The following VDR variants were observed in gnomAD, a reference collection of about 807,000 sequenced individuals.
VDR encodes vitamin D3 receptor.
A neutral mutation model predicts 39.7 loss-of-function variants in VDR; 19 were observed. The observed-to-expected ratio is 0.48, with a 90% confidence interval of 0.33 to 0.70. The LOEUF is 0.70. Among genes scored for constraint, VDR ranks in the 30% least tolerant of loss-of-function variants. The pLI is 0.02. For synonymous variants in VDR, 242 were observed against 215.8 expected (o/e 1.12, Z -1.07); for missense variants, 442 against 570.5 (o/e 0.77, Z 2.29).
chr12:47,903,587 T>C (rs1946609215), intron 1 of VDR, among the ~76,000 whole-genome samples: 1 of 152,224 alleles, frequency 6.6e-6, no homozygotes. Context: ...AATGTTCAGA[T>C]AACCCATTTC....
chr12:47,857,438 C>T, intron 5 of VDR, 66 bp downstream of exon 5: 3 of 1,611,892 alleles, frequency 1.9e-6, no homozygotes, highest in Non-Finnish European at 2.5e-6. Context: ...GTCCCTACTC[C>T]CTGGGCCCTG....
chr12:47,861,572 G>A (rs1453394329), intron 4 of VDR, among the ~76,000 whole-genome samples: 1 of 152,220 alleles, frequency 6.6e-6, no homozygotes, highest in Non-Finnish European at 1.5e-5. Flanking sequence ...AACCTAAGAT[G>A]TCATTACTAT....
chr12:47,900,063 T>G (rs1946532496), intron 1 of VDR: 1 of 541,214 alleles, frequency 1.8e-6, no homozygotes, highest in East Asian at 1.4e-4. Context: ...AAGATGCCTG[T>G]TTGAAAGATT....
At chr12:47,903,463 T>A (rs933881168) in intron 1 of VDR, among the ~76,000 whole-genome samples, 3 of 152,244 alleles carry the variant, frequency 2.0e-5, no homozygotes, top group African/African-American at 7.2e-5. Flanking sequence ...TCTGGCTGCA[T>A]GCCAGCCCTG....
intron 3 of VDR, among the ~76,000 whole-genome samples, chr12:47,865,669 T>C (rs1249887284): frequency 6.6e-6 from 1 of 150,478 alleles, no homozygotes; most frequent in African/African-American, 2.4e-5. Flanking sequence ...ATCCTAGGCC[T>C]CCCACAGTGC....
intron 4 of VDR, among the ~76,000 whole-genome samples, chr12:47,861,866 A>G (rs916472866): frequency 1.3e-5 from 2 of 152,262 alleles, no homozygotes; most frequent in African/African-American, 4.8e-5. Flanking sequence ...AAACATTTCA[A>G]GATGCCAAGG....
intron 7 of VDR, among the ~76,000 whole-genome samples, chr12:47,847,326 C>T (rs1945299642): frequency 1.3e-5 from 2 of 151,722 alleles, no homozygotes; most frequent in African/African-American, 4.9e-5. Flanking sequence ...TTTCCAATAG[C>T]CTCTTACAGG....
intron 2 of VDR, 33 bp from the exon 3 acceptor site, chr12:47,879,148 C>T (rs1211878865): frequency 1.2e-6 from 2 of 1,607,054 alleles, no homozygotes; most frequent in Non-Finnish European, 8.5e-7. Context: ...ACGGTCAGAG[C>T]CAGAGTCAGT....
intron 3 of VDR, among the ~76,000 whole-genome samples, chr12:47,873,452 C>T (rs1015941032): frequency 1.7e-4 from 25 of 149,048 alleles, no homozygotes; most frequent in African/African-American, 6.2e-4. Context: ...CCTCCGCCCC[C>T]TGGGGTTCAC....
intron 3 of VDR, among the ~76,000 whole-genome samples, chr12:47,873,977 A>G (rs189531089): frequency 1.3e-5 from 2 of 152,320 alleles, no homozygotes; most frequent in African/African-American, 4.8e-5. Flanking sequence ...GAAGATCTCA[A>G]GTGTGTGCTG....
intron 3 of VDR, among the ~76,000 whole-genome samples, chr12:47,869,928 G>T (rs932286878): frequency 6.6e-6 from 1 of 152,048 alleles, no homozygotes; most frequent in Non-Finnish European, 1.5e-5. Flanking sequence ...AAAGTACTGG[G>T]GGTAAAAAAA....
At chr12:47,887,012 A>G (rs981968762) in intron 1 of VDR, among the ~76,000 whole-genome samples, 1 of 152,078 alleles carries the variant, frequency 6.6e-6, no homozygotes, top group Non-Finnish European at 1.5e-5. Flanking sequence ...CCATATGCAC[A>G]TTAGAAAAAG....
intron 1 of VDR, among the ~76,000 whole-genome samples, chr12:47,890,773 T>C (rs1343861547): frequency 1.3e-5 from 2 of 151,626 alleles, no homozygotes; most frequent in Non-Finnish European, 2.9e-5. Context: ...ATGAAGGGAG[T>C]GGGTGCAGGA....
chr12:47,845,075 A>G (rs992637659), intron 9 of VDR, 70 bp from the exon 10 acceptor site: 3 of 1,589,112 alleles, frequency 1.9e-6, no homozygotes, highest in Non-Finnish European at 1.7e-6. Flanking sequence ...CAATCCCACC[A>G]CCCCCCACCC....
chr12:47,883,544 G>A (rs1275839099), intron 1 of VDR, among the ~76,000 whole-genome samples: 1 of 152,194 alleles, frequency 6.6e-6, no homozygotes, highest in Admixed American at 6.5e-5. Flanking sequence ...AAGGAGGGAT[G>A]GGCAGAATAG....
chr12:47,904,817 G>A (rs1592164087), intron 1 of VDR, 138 bp downstream of exon 1: 1 of 530,498 alleles, frequency 1.9e-6, no homozygotes, highest in Non-Finnish European at 3.3e-6. Context: ...ACGACAGCCC[G>A]GACCTCAGTA....
chr12:47,890,272 G>A (rs1425420815), intron 1 of VDR, among the ~76,000 whole-genome samples: 4 of 150,766 alleles, frequency 2.7e-5, no homozygotes, highest in African/African-American at 7.3e-5. Flanking sequence ...ACGACCACAT[G>A]AGGGACTATT....
chr12:47,896,016 T>C (rs1244916294), intron 1 of VDR, among the ~76,000 whole-genome samples: 1 of 152,250 alleles, frequency 6.6e-6, no homozygotes, highest in Non-Finnish European at 1.5e-5. Context: ...TGGAGGCAGC[T>C]GGCCTGGGTG....
chr12:47,896,951 C>G (rs1946475293), intron 1 of VDR: 1 of 152,282 alleles, frequency 6.6e-6, no homozygotes, highest in South Asian at 2.1e-4. Flanking sequence ...CCTCGTACCA[C>G]CTGCTGCGTT....
Sources: allele counts gnomAD v4.1 joint callset (sites outside exome capture counted in the v4.1 genomes callset), GRCh38; gene constraint gnomAD v4.1.1; transcripts MANE v1.5; gene names NCBI Gene and HGNC (gene_info 2026-07-23, HGNC 2026-07-21).